CNBD1: variants seen among roughly 807,000 people sequenced by gnomAD.
CNBD1 encodes cyclic nucleotide-binding domain-containing protein 1.
A neutral mutation model predicts 54.4 loss-of-function variants in CNBD1; 71 were observed. The observed-to-expected ratio is 1.30, with a 90% CI of 1.08 to 1.59. The LOEUF is 1.59. Among genes scored for constraint, CNBD1 ranks in the 40% most tolerant of loss-of-function variants. The pLI, the probability that CNBD1 is intolerant of heterozygous loss-of-function variation, is 0.00. For missense variants in CNBD1, 659 were observed against 518.0 expected, an observed-to-expected ratio of 1.27 and a Z score of -2.64; for synonymous variants, 182 against 170.7, an observed-to-expected ratio of 1.07 and a Z score of -0.51.
chr8:86,984,849 T>C (rs1028817556), intron 4 of CNBD1, among the ~76,000 whole-genome samples: 34 of 152,312 alleles, frequency 2.2e-4, no homozygotes, highest in African/African-American at 7.9e-4. Context: ...AGTGAGACTT[T>C]AGACTGTGAA....
At chr8:87,351,396 T>C (rs1297722984) in intron 8 of CNBD1, among the ~76,000 whole-genome samples, 4 of 152,222 alleles carry the variant, frequency 2.6e-5, no homozygotes, top group Non-Finnish European at 5.9e-5. Context: ...TCAAGGTTTC[T>C]TCTATATTCC....
At chr8:87,082,180 A>G (rs963989279) in intron 4 of CNBD1, among the ~76,000 whole-genome samples, 2 of 152,124 alleles carry the variant, frequency 1.3e-5, no homozygotes, top group Admixed American at 1.3e-4. Context: ...CCAATTAATC[A>G]ATCGACCTTG....
chr8:87,387,017 G>T (rs1029055370), downstream of CNBD1, among the ~76,000 whole-genome samples: 1 of 152,144 alleles, frequency 6.6e-6, no homozygotes, highest in Admixed American at 6.5e-5. Context: ...AGCTCCGTAA[G>T]TGAGGGAGAA....
At chr8:86,946,192 G>T (rs371528210) in intron 4 of CNBD1, among the ~76,000 whole-genome samples, 2 of 152,244 alleles carry the variant, frequency 1.3e-5, no homozygotes. Context: ...GGGGTTCCTT[G>T]TGTCTCTGAA....
chr8:87,327,864 T>A (rs1009548379), intron 8 of CNBD1, among the ~76,000 whole-genome samples: 4 of 152,240 alleles, frequency 2.6e-5, no homozygotes, highest in Non-Finnish European at 5.9e-5. Context: ...TTTTACAGTT[T>A]AAAGTTTTAT....
chr8:87,403,682 G>T (rs1183419141), intron 2 of CNBD1, among the ~76,000 whole-genome samples: 1 of 151,774 alleles, frequency 6.6e-6, no homozygotes. Context: ...AATTATTATT[G>T]TAATTATATT....
intron 6 of CNBD1, among the ~76,000 whole-genome samples, chr8:87,281,826 G>T (rs2130867479): frequency 6.6e-6 from 1 of 150,952 alleles, no homozygotes; most frequent in Admixed American, 6.6e-5. Flanking sequence ...TAGGTTAGAG[G>T]ACTTTAATAT....
At chr8:87,230,788 A>G (rs962517804) in intron 5 of CNBD1, among the ~76,000 whole-genome samples, 2 of 152,206 alleles carry the variant, frequency 1.3e-5, no homozygotes, top group South Asian at 4.1e-4. Flanking sequence ...ATCTAGATTA[A>G]GAGGTTGCTT....
chr8:87,362,377 G>A (rs558119505), intron 10 of CNBD1, among the ~76,000 whole-genome samples: 6 of 152,194 alleles, frequency 3.9e-5, no homozygotes, highest in Non-Finnish European at 5.9e-5. Flanking sequence ...AGTTCAGGAG[G>A]AAGTGTTAGC....
intron 4 of CNBD1, among the ~76,000 whole-genome samples, chr8:87,009,532 C>G (rs1809171919): frequency 1.3e-5 from 2 of 152,152 alleles, no homozygotes; most frequent in East Asian, 1.9e-4. Flanking sequence ...AATCTCCTGA[C>G]CTCATGATCT....
intron 8 of CNBD1, among the ~76,000 whole-genome samples, chr8:87,293,126 A>G (rs918859783): frequency 7.9e-5 from 12 of 152,286 alleles, no homozygotes; most frequent in African/African-American, 2.6e-4. Flanking sequence ...ACATTTTTTC[A>G]TTTCAAAAAT....
chr8:87,059,085 G>C (rs895930519), intron 4 of CNBD1, among the ~76,000 whole-genome samples: 3 of 152,250 alleles, frequency 2.0e-5, no homozygotes, highest in African/African-American at 7.2e-5. Context: ...CAGTCTCTTT[G>C]CTAAGCACAG....
intron 4 of CNBD1, among the ~76,000 whole-genome samples, chr8:87,189,972 T>C (rs928667405): frequency 2.0e-5 from 3 of 152,076 alleles, no homozygotes; most frequent in African/African-American, 7.2e-5. Flanking sequence ...AAGGGATACA[T>C]AGAAAAAAAT....
chr8:87,021,407 C>A (rs1026673903), intron 4 of CNBD1, among the ~76,000 whole-genome samples: 6 of 152,134 alleles, frequency 3.9e-5, no homozygotes, highest in African/African-American at 9.7e-5. Context: ...CATATAGATA[C>A]AAGAAATGTG....
intron 4 of CNBD1, among the ~76,000 whole-genome samples, chr8:87,201,133 A>T (rs1027517704): frequency 2.6e-5 from 4 of 152,178 alleles, no homozygotes; most frequent in African/African-American, 7.2e-5. Flanking sequence ...TTATTAGAAT[A>T]AAAAAACCAC....
intron 8 of CNBD1, among the ~76,000 whole-genome samples, chr8:87,295,182 GC>G (rs1472684279): frequency 6.6e-6 from 1 of 151,578 alleles, no homozygotes; most frequent in African/African-American, 2.4e-5. Flanking sequence ...AACTATTATG[GC>G]TAGAAATGTC....
intron 4 of CNBD1, among the ~76,000 whole-genome samples, chr8:86,989,647 C>A (rs777480288): frequency 2.6e-5 from 4 of 152,012 alleles, no homozygotes; most frequent in Non-Finnish European, 5.9e-5. Context: ...GATGGGGTTT[C>A]ACCATGTTGC....
chr8:87,308,371 A>T (rs1031294087), intron 8 of CNBD1, among the ~76,000 whole-genome samples: 2 of 152,192 alleles, frequency 1.3e-5, no homozygotes, highest in African/African-American at 4.8e-5. Context: ...TCTTTAAAAT[A>T]TTCCTGCAGC....
intron 4 of CNBD1, among the ~76,000 whole-genome samples, chr8:87,116,173 C>T (rs1409668053): frequency 1.4e-5 from 2 of 138,268 alleles, no homozygotes; most frequent in African/African-American, 2.7e-5. Flanking sequence ...TATTCCTTTG[C>T]TATTTTATTC....
Sources: allele counts gnomAD v4.1 joint callset (sites outside exome capture counted in the v4.1 genomes callset), GRCh38; gene constraint gnomAD v4.1.1; transcripts MANE v1.5; gene names NCBI Gene and HGNC (gene_info 2026-07-23, HGNC 2026-07-21).